SORCS1: variants seen among roughly 807,000 people sequenced by gnomAD.
The protein encoded by SORCS1 is sortilin related VPS10 domain containing receptor 1, also known as VPS10 domain-containing receptor SorCS1.
Under a neutral mutation model 146.1 loss-of-function variants are expected in SORCS1, and 60 were observed. The ratio of observed to expected loss-of-function variants is 0.41; its 90% CI spans 0.33 to 0.51. SORCS1 has a LOEUF of 0.51. Among genes scored for constraint, SORCS1 ranks in the 20% least tolerant of loss-of-function variants. The pLI, the probability that SORCS1 is intolerant of heterozygous loss-of-function variation, is 0.21. For missense variants in SORCS1, 1,352 were observed against 1,487.6 expected (o/e 0.91, Z 1.50); for synonymous variants, 637 against 584.0 (o/e 1.09, Z -1.31).
intron 1 of SORCS1, among the ~76,000 whole-genome samples, chr10:107,144,847 C>T (rs1454622609): frequency 1.3e-5 from 2 of 152,196 alleles, no homozygotes; most frequent in South Asian, 2.1e-4. Context: ...TTTTGCATTC[C>T]GTCACTTGCC....
At chr10:106,858,169 T>C (rs1157500070) in intron 2 of SORCS1, among the ~76,000 whole-genome samples, 2 of 152,234 alleles carry the variant, frequency 1.3e-5, no homozygotes, top group Non-Finnish European at 2.9e-5. Flanking sequence ...TAATATCACA[T>C]CAAAAGCTTT....
In SORCS1 at chr10:106,841,587, T is replaced by C. The variant is rs533707445; in HGVS notation, c.627-11914A>G. ...TTTATATGCACTGAGAAAGCAAAAA[T>C]TCATTCACTTGCTTTATTGTGATAT... On this transcript the variant is annotated intron_variant, in intron 2 of 25. Coordinates refer to ENST00000263054, the MANE Select transcript of SORCS1 (RefSeq NM_052918.5). Among the ~76,000 whole-genome samples the C allele has an allele frequency of 2.2e-3, 338 of 152,274 alleles. 1 individual carries two copies. The highest frequency in any genetic ancestry group is 4.1e-3 in the Non-Finnish European group (281 of 68,008).
chr10:107,121,489 A>G (rs1966410739), intron 1 of SORCS1, among the ~76,000 whole-genome samples: 1 of 152,208 alleles, frequency 6.6e-6, no homozygotes, highest in South Asian at 2.1e-4. Context: ...TAAGTTGTTT[A>G]AAGGAAAGTA....
At chr10:106,895,939 A>ATG (rs879502174) in intron 2 of SORCS1, among the ~76,000 whole-genome samples, 12 of 113,246 alleles carry the variant, frequency 1.1e-4, no homozygotes, top group East Asian at 2.8e-4. Context: ...ACATATATAT[A>ATG]TGTGTGTGTG....
chr10:106,844,050 T>G (rs1949191280), intron 2 of SORCS1, among the ~76,000 whole-genome samples: 2 of 152,330 alleles, frequency 1.3e-5, no homozygotes, highest in East Asian at 1.9e-4. Context: ...ACATCACTTG[T>G]TATCTTTTGA....
intron 3 of SORCS1, among the ~76,000 whole-genome samples, chr10:106,792,820 A>T (rs1212004759): frequency 6.6e-6 from 1 of 152,230 alleles, no homozygotes; most frequent in Non-Finnish European, 1.5e-5. Flanking sequence ...ATTTTAATGA[A>T]TATAATAAAT....
intron 3 of SORCS1, among the ~76,000 whole-genome samples, chr10:106,787,850 T>C (rs1031471390): frequency 2.6e-5 from 4 of 152,190 alleles, no homozygotes; most frequent in Admixed American, 2.0e-4. Flanking sequence ...TTTGTGACTA[T>C]ACAAAAGCCA....
chr10:106,746,562 G>C (rs148920186), intron 5 of SORCS1, among the ~76,000 whole-genome samples: 2 of 152,158 alleles, frequency 1.3e-5, no homozygotes, highest in Admixed American at 1.3e-4. Context: ...CAGGCATTTC[G>C]ACAATCACAA....
chr10:106,959,579 T>A (rs1370446830), intron 1 of SORCS1, among the ~76,000 whole-genome samples: 1 of 152,140 alleles, frequency 6.6e-6, no homozygotes, highest in Non-Finnish European at 1.5e-5. Context: ...AATGAGAAAA[T>A]GTGAAAAAAT....
intron 1 of SORCS1, among the ~76,000 whole-genome samples, chr10:107,025,135 T>C (rs544783042): frequency 6.6e-6 from 1 of 152,310 alleles, no homozygotes; most frequent in African/African-American, 2.4e-5. Flanking sequence ...ATCTAAAAAA[T>C]GAAAGGCACA....
At chr10:106,635,203 G>A (rs547213611) in intron 18 of SORCS1, among the ~76,000 whole-genome samples, 34 of 152,184 alleles carry the variant, frequency 2.2e-4, no homozygotes, top group Admixed American at 2.2e-3. Context: ...AACTCCTCAC[G>A]GACAGCCTCA....
chr10:106,926,862 CACACAGAGAGAG>C (rs762249610), intron 2 of SORCS1, among the ~76,000 whole-genome samples: 29 of 97,392 alleles, frequency 3.0e-4, no homozygotes, highest in African/African-American at 9.7e-4. Context: ...CACACACACA[CACACAGAGAGAG>C]AGAGAGAGAG....
At chr10:106,789,613 A>T (rs1946218945) in intron 3 of SORCS1, among the ~76,000 whole-genome samples, 2 of 152,156 alleles carry the variant, frequency 1.3e-5, no homozygotes, top group African/African-American at 2.4e-5. Flanking sequence ...CTCAGCCTGG[A>T]CTTCACTGTT....
intron 11 of SORCS1, 28 bp from the exon 12 acceptor site, chr10:106,679,360 A>T (rs1852266815): frequency 6.4e-7 from 1 of 1,569,882 alleles, no homozygotes; most frequent in Non-Finnish European, 8.7e-7. Flanking sequence ...CCATTAGTGA[A>T]AAGAACTTTC....
chr10:106,952,565 T>TATTATATTAC (rs1440400216), intron 2 of SORCS1, among the ~76,000 whole-genome samples: 5 of 147,854 alleles, frequency 3.4e-5, no homozygotes, highest in Non-Finnish European at 7.4e-5. Context: ...TATTATATTA[T>TATTATATTAC]ATTATATTAT....
the SORCS1 span, among the ~76,000 whole-genome samples, chr10:107,171,514 C>CT: frequency 0.37 from 42,746 of 116,484 alleles, 8,829 homozygotes; most frequent in African/African-American, 0.57. Flanking sequence ...GGGAATCCCC[C>CT]TTTTTTTTTT....
At chr10:107,099,367 G>T (rs1964762638) in intron 1 of SORCS1, among the ~76,000 whole-genome samples, 1 of 152,128 alleles carries the variant, frequency 6.6e-6, no homozygotes, top group Non-Finnish European at 1.5e-5. Context: ...CTCTTAATAT[G>T]TGACCCTTTC....
At position 106,726,358 on chromosome 10, in the gene SORCS1, G is replaced by A. The variant is rs1264121648; in HGVS notation, c.1024+3692C>T. Reference sequence around the variant, plus strand: ...GATAGTTTCTGAAGATGCTGCCTTCGCAAAAAAAAAAAAAAAAAAAAAAAA... The same window carrying A: ...GATAGTTTCTGAAGATGCTGCCTTCACAAAAAAAAAAAAAAAAAAAAAAAA... On this transcript the variant is annotated intron_variant, in intron 6 of 25. Coordinates refer to ENST00000263054, the MANE Select transcript of SORCS1 (RefSeq NM_052918.5). Among the ~76,000 whole-genome samples the A allele has an allele frequency of 7.5e-4, 19 of 25,376 alleles. 1 individual carries two copies. In the South Asian group the frequency reaches 0.023, roughly 31 times the overall value. The allele number at this position is 25,376 out of a possible 152,430, so 16.6% of individuals were successfully genotyped here.
At chr10:106,617,637 G>A (rs1002928745) in intron 21 of SORCS1, among the ~76,000 whole-genome samples, 29 of 152,026 alleles carry the variant, frequency 1.9e-4, no homozygotes, top group African/African-American at 6.0e-4. Context: ...CAAATATCCC[G>A]TCTATGGCTA....
Sources: allele counts gnomAD v4.1 joint callset (sites outside exome capture counted in the v4.1 genomes callset), GRCh38; gene constraint gnomAD v4.1.1; transcripts MANE v1.5; gene names NCBI Gene and HGNC (gene_info 2026-07-23, HGNC 2026-07-21).